Variants in TSPEAR observed in about 807,000 individuals in gnomAD.
TSPEAR encodes thrombospondin-type laminin G domain and EAR repeat-containing protein.
TSPEAR carries 69 observed loss-of-function variants against 71.6 expected under a neutral mutation model. The observed-to-expected ratio is 0.96, with a 90% CI of 0.79 to 1.18. TSPEAR has a LOEUF of 1.18. Ranked by LOEUF, TSPEAR falls within the 50% of genes most tolerant of loss-of-function variation. TSPEAR has a pLI of 0.00. For synonymous variants in TSPEAR, 402 were observed against 387.2 expected, an observed-to-expected ratio of 1.04 and a Z score of -0.45; for missense variants, 971 against 894.9, an observed-to-expected ratio of 1.09 and a Z score of -1.09.
chr21:44,635,600 A>T (rs1177512710), intron 1 of TSPEAR, among the ~76,000 whole-genome samples: 1 of 152,152 alleles, frequency 6.6e-6, no homozygotes, highest in Non-Finnish European at 1.5e-5. Context: ...TCTATATGAA[A>T]TGTGCAGAAC....
At chr21:44,576,619 G>A (rs1315877304) in intron 1 of TSPEAR, among the ~76,000 whole-genome samples, 1 of 152,206 alleles carries the variant, frequency 6.6e-6, no homozygotes, top group Non-Finnish European at 1.5e-5. Context: ...CTCCAGAGAA[G>A]GGGACTCTGT....
chr21:44,508,805 C>T (rs2052269929), intron 10 of TSPEAR: 16 of 1,333,958 alleles, frequency 1.2e-5, no homozygotes, highest in South Asian at 9.7e-5. Context: ...CTGGTGGCAG[C>T]TGGCACTGGC....
chr21:44,507,784 G>A (rs1448262687), intron 10 of TSPEAR, among the ~76,000 whole-genome samples: 2 of 152,158 alleles, frequency 1.3e-5, no homozygotes, highest in Admixed American at 6.5e-5. Context: ...TGTTCTCGGC[G>A]TTGACATTGG....
Position 44,598,553 on chromosome 21 carries a change from G to A in TSPEAR, c.83-30548C>T, listed in dbSNP as rs142747709. Among the ~76,000 whole-genome samples, 25 of 152,168 alleles carry A rather than the reference G, an allele frequency of 1.6e-4. No homozygotes were observed. In the East Asian group the frequency reaches 2.5e-3, roughly 15 times the overall value. ...ATACATAGTTTTTACTATCTCTTCCGTGGTCACTTTAGAGATTATAGCACA... is the reference window on the plus strand; with the variant it reads ...ATACATAGTTTTTACTATCTCTTCCATGGTCACTTTAGAGATTATAGCACA... On this transcript the variant is annotated intron_variant, in intron 1 of 11. Transcript: ENST00000323084.
chr21:44,535,426 G>T (rs185172527), intron 2 of TSPEAR, among the ~76,000 whole-genome samples: 179 of 152,294 alleles, frequency 1.2e-3, no homozygotes, highest in Middle Eastern at 6.8e-3. Context: ...AGCCTGAAAG[G>T]TAAAGCAGGT....
rs192955018 is a variant in TSPEAR, at chr21:44,533,935, G to C, written c.304-12C>G. 1.3e-5 allele frequency: 21 copies of C among 1,604,374 alleles called. No homozygotes were observed. Among genetic ancestry groups the C allele is most frequent in the Non-Finnish European group, 1.7e-5 (20 of 1,174,278 alleles). ...AGGTACTCGTTCCTCTGTGGAGAGC[G>C]GGCCAGGCTCAGGACGGGGCTGGGG... On this transcript the variant is annotated splice_polypyrimidine_tract_variant and intron_variant, in intron 2 of 11. Transcript: ENST00000323084.
chr21:44,676,150 T>G (rs1986302826), intron 1 of TSPEAR: 1 of 982,158 alleles, frequency 1.0e-6, no homozygotes, highest in African/African-American at 1.6e-5. Flanking sequence ...AAGCAGGGAC[T>G]GCAGGTAGGA....
At chr21:44,574,957 T>C (rs1555923684) in intron 1 of TSPEAR, 1 of 1,606,572 alleles carries the variant, frequency 6.2e-7, no homozygotes, top group Non-Finnish European at 8.5e-7. Context: ...TGCGTGTCCC[T>C]CCTCTGACGC....
At chr21:44,639,389 A>G (rs1438406997) in intron 1 of TSPEAR, among the ~76,000 whole-genome samples, 4 of 152,174 alleles carry the variant, frequency 2.6e-5, no homozygotes, top group Non-Finnish European at 5.9e-5. Flanking sequence ...CGCCAGCCCC[A>G]GCACCAGGAC....
At chr21:44,658,167 T>A (rs1601538536) in intron 1 of TSPEAR, 1 of 1,613,898 alleles carries the variant, frequency 6.2e-7, no homozygotes, top group African/African-American at 1.3e-5. Context: ...TGCAGGCCCA[T>A]CATATATGTG....
rs587607999 is a variant in TSPEAR, at chr21:44,533,942, G to T, written c.304-19C>A. 1.9e-6 allele frequency: 3 copies of T among 1,593,504 alleles called. No individual in the cohort carries two copies. Among genetic ancestry groups the T allele is most frequent in the Non-Finnish European group, 2.6e-6 (3 of 1,165,282 alleles). ...CGTTCCTCTGTGGAGAGCGGGCCAGGCTCAGGACGGGGCTGGGGGTAGGGG... is the reference window on the plus strand; with the variant it reads ...CGTTCCTCTGTGGAGAGCGGGCCAGTCTCAGGACGGGGCTGGGGGTAGGGG... On this transcript the variant is annotated intron_variant, in intron 2 of 11. Transcript: ENST00000323084.
chr21:44,580,885 G>A (rs1555925054), intron 1 of TSPEAR, among the ~76,000 whole-genome samples: 2 of 152,082 alleles, frequency 1.3e-5, no homozygotes. Context: ...GAAATGTGGT[G>A]GAAAATATTT....
intron 2 of TSPEAR, chr21:44,550,757 G>A (rs781873065): frequency 6.2e-7 from 1 of 1,614,216 alleles, no homozygotes; most frequent in East Asian, 2.2e-5. Context: ...CGGGGCGGCA[G>A]AGGAGGGACA....
intron 10 of TSPEAR, chr21:44,508,460 C>G: frequency 2.9e-6 from 3 of 1,017,260 alleles, no homozygotes; most frequent in Non-Finnish European, 3.5e-6. Flanking sequence ...GGGCCAGATT[C>G]CAGCTCCAAG....
intron 1 of TSPEAR, among the ~76,000 whole-genome samples, chr21:44,671,117 C>T (rs1189092593): frequency 6.6e-6 from 1 of 152,240 alleles, no homozygotes; most frequent in East Asian, 1.9e-4. Flanking sequence ...CTATGCACTC[C>T]TCCCAGGGAC....
chr21:44,601,285 T>C, intron 1 of TSPEAR: 2 of 1,608,486 alleles, frequency 1.2e-6, no homozygotes, highest in South Asian at 2.2e-5. Context: ...CTGCACCTCC[T>C]CCCCTTGCCA....
rs2052881487 is a variant in TSPEAR at position 44,527,503 on chromosome 21, T to C, written c.938A>G (p.Asp313Gly). 3 of 1,614,206 alleles carry C rather than the reference T, an allele frequency of 1.9e-6. No homozygotes were observed. Among genetic ancestry groups the C allele is most frequent in the African/African-American group, 1.3e-5 (1 of 75,060 alleles). ...VSVLAAKERL[D>G]YVEEHQNLST... ...CAAGTTCTGATGCTCCTCCACGTAG[T>C]CCAGTCTTTCTTTGGCTTGTGATAG... Residue 313 changes from aspartate (D) to glycine (G), a missense_variant, in exon 7 of 12, where the codon GAC becomes GGC. Asp to Gly is a moderately conservative substitution (Grantham distance 94). Transcript: ENST00000323084.
At chr21:44,599,436 AGCCCTCTCCCCTGGGTAGGG>A (rs1601467138) in intron 1 of TSPEAR, among the ~76,000 whole-genome samples, 1 of 152,146 alleles carries the variant, frequency 6.6e-6, no homozygotes, top group East Asian at 1.9e-4. Flanking sequence ...GGGCCCCTGG[AGCCCTCTCCCCTGGGTAGGG>A]GCCACTTCTC....
intron 1 of TSPEAR, among the ~76,000 whole-genome samples, chr21:44,705,914 T>C (rs1987888648): frequency 6.6e-6 from 1 of 152,192 alleles, no homozygotes; most frequent in Admixed American, 6.5e-5. Context: ...TAATAAAAAC[T>C]TGCTGGTTTT....
Sources: gnomAD v4.1 joint callset for allele counts (sites outside exome capture counted in the v4.1 genomes callset) on GRCh38, gnomAD v4.1.1 for gene constraint, MANE v1.5 for transcripts, NCBI Gene and HGNC (gene_info 2026-07-23, HGNC 2026-07-21) for gene names.